The following RASSF8 variants were observed in gnomAD, a reference collection of about 807,000 sequenced individuals.
The protein encoded by RASSF8 is Ras association domain family member 8.
RASSF8 carries 22 observed loss-of-function variants against 48.5 expected under a neutral mutation model. That is an observed-to-expected ratio of 0.45 (90% CI 0.32 to 0.65). The LOEUF is 0.65. RASSF8 is among the 30% of genes least tolerant of loss of function. RASSF8 has a pLI of 0.03. For synonymous variants in RASSF8, 127 were observed against 171.5 expected, an observed-to-expected ratio of 0.74 and a Z score of 2.03; for missense variants, 418 against 489.2, an observed-to-expected ratio of 0.85 and a Z score of 1.37.
At chr12:25,976,667 C>G (rs1941613091) in intron 1 of RASSF8, among the ~76,000 whole-genome samples, 1 of 152,174 alleles carries the variant, frequency 6.6e-6, no homozygotes. Context: ...GTGGAGTGTA[C>G]TTTCGTTTTC....
At position 25,971,547 on chromosome 12, in the gene RASSF8, C is replaced by T. The variant is rs115761308; in HGVS notation, c.-203+12399C>T. Among the ~76,000 whole-genome samples the T allele has an allele frequency of 4.9e-3, 745 of 151,766 alleles. 8 individuals are homozygous for T. Among genetic ancestry groups the T allele is most frequent in the African/African-American group, 0.017 (686 of 41,394 alleles). ...ACTTCATCCTTTGCCCTCCAGGAGT[C>T]TTCCTAGTTTTCATTTCATATGGAA... On this transcript the variant is annotated intron_variant, in intron 1 of 5. Transcript: ENST00000689635.
intron 2 of RASSF8, among the ~76,000 whole-genome samples, chr12:26,002,338 C>T (rs994510178): frequency 1.1e-4 from 17 of 152,076 alleles, no homozygotes; most frequent in African/African-American, 3.9e-4. Context: ...GAGGCTGAGG[C>T]AGGAGAATCG....
In RASSF8 at chr12:26,053,240, A is replaced by AG. The variant is rs555707095; in HGVS notation, c.-108-1990dup. On this transcript the variant is annotated intron_variant, in intron 2 of 5. Transcript: ENST00000689635. ...TTGAAATGATGGGTTTCTTGGTGGC[A>AG]GGGGGGCTTTAATGAGATCTGTACC... Among the ~76,000 whole-genome samples, 367 of 151,724 alleles carry AG rather than the reference A, an allele frequency of 2.4e-3. 2 individuals carry two copies. The highest frequency in any genetic ancestry group is 8.7e-3 in the African/African-American group (360 of 41,410).
chr12:25,965,658 A>G (rs1440009385), intron 1 of RASSF8, among the ~76,000 whole-genome samples: 1 of 151,900 alleles, frequency 6.6e-6, no homozygotes. Flanking sequence ...GCCCACCCCA[A>G]ATTTTCTCAT....
chr12:25,978,377 G>A (rs951105824), intron 1 of RASSF8, among the ~76,000 whole-genome samples: 5 of 152,168 alleles, frequency 3.3e-5, no homozygotes, highest in African/African-American at 9.7e-5. Context: ...GTCACAAACC[G>A]CCACATTCCC....
At chr12:26,073,821 T>TACAC (rs757140768), downstream of RASSF8, among the ~76,000 whole-genome samples, 274 of 65,242 alleles carry the variant, frequency 4.2e-3, 2 homozygotes, top group African/African-American at 0.014. Flanking sequence ...TATATACACA[T>TACAC]ACACACACAC....
intron 1 of RASSF8, among the ~76,000 whole-genome samples, chr12:25,963,960 C>T (rs1941297389): frequency 6.6e-6 from 1 of 152,170 alleles, no homozygotes. Flanking sequence ...GAGAGATGCC[C>T]CTGCAAGCCA....
At position 26,067,668 on chromosome 12, in the gene RASSF8, G is replaced by A; in HGVS notation, c.1093G>A (p.Ala365Thr). Residue 365 changes from alanine to threonine, a missense_variant, in exon 5 of 6, where the codon GCG becomes ACG. By Grantham distance (58) the Ala-to-Thr change is moderately conservative. Coordinates refer to ENST00000689635, the MANE Select transcript of RASSF8 (RefSeq NM_001394098.1). Reference protein sequence around the residue: ...QTGTKVTVLPAEPIEIEASHA... With the variant: ...QTGTKVTVLPTEPIEIEASHA... ...AGGGACAAAAGTTACCGTTTTGCCA[G>A]CGGAGCCCATTGAAATAGAGGCCTC... 6.2e-7 allele frequency: 1 copy of A among 1,614,210 alleles called. No homozygotes were observed. The highest frequency in any genetic ancestry group is 8.5e-7 in the Non-Finnish European group (1 of 1,180,028).
At chr12:25,989,663 C>A (rs977702389) in intron 1 of RASSF8, among the ~76,000 whole-genome samples, 94 of 152,206 alleles carry the variant, frequency 6.2e-4, no homozygotes, top group African/African-American at 2.0e-3. Context: ...CTTGTCTTAT[C>A]CCTTCTCCTC....
chr12:26,050,788 C>G lies in RASSF8; in HGVS notation c.-108-4448C>G, dbSNP rs373391059. Among the ~76,000 whole-genome samples the G allele has an allele frequency of 5.3e-5, 8 of 152,262 alleles. No homozygotes were observed. The East Asian group carries it at 5.8e-4, about 11-fold the overall frequency. On this transcript the variant is annotated intron_variant, in intron 2 of 5. Transcript: ENST00000689635. Reference sequence around the variant, plus strand: ...TAATTCATTGATGCTGAAAAAGGAACCTGAGCATCAGATGCTCATTTTGCT... The same window carrying G: ...TAATTCATTGATGCTGAAAAAGGAAGCTGAGCATCAGATGCTCATTTTGCT...
intron 1 of RASSF8, among the ~76,000 whole-genome samples, chr12:25,964,451 C>T (rs1565595262): frequency 6.6e-6 from 1 of 152,080 alleles, no homozygotes; most frequent in Non-Finnish European, 1.5e-5. Flanking sequence ...CAGGTTATAA[C>T]AAGAGGAGAG....
At chr12:26,077,597 C>G (rs1347322362), downstream of RASSF8, among the ~76,000 whole-genome samples, 2 of 152,010 alleles carry the variant, frequency 1.3e-5, no homozygotes, top group Non-Finnish European at 2.9e-5. Context: ...ATTTCTGAGG[C>G]CTCTGTTCTG....
chr12:26,052,330 TG>T, intron 2 of RASSF8, among the ~76,000 whole-genome samples: 1 of 152,316 alleles, frequency 6.6e-6, no homozygotes, highest in Middle Eastern at 3.4e-3. Flanking sequence ...TGACAATAAA[TG>T]GTTCTTAGCT....
chr12:26,010,245 TAAATTAG>T (rs200248589), intron 2 of RASSF8, among the ~76,000 whole-genome samples: 3,028 of 152,352 alleles, frequency 0.02, 101 homozygotes, highest in African/African-American at 0.067. Context: ...AAGTCGAAAT[TAAATTAG>T]AAATTAGAAA....
chr12:25,979,653 C>T (rs1941691520), intron 1 of RASSF8, among the ~76,000 whole-genome samples: 1 of 152,142 alleles, frequency 6.6e-6, no homozygotes, highest in African/African-American at 2.4e-5. Flanking sequence ...GAATAATTTG[C>T]CCAAACTCAC....
intron 2 of RASSF8, among the ~76,000 whole-genome samples, chr12:26,053,911 CTT>C (rs1370835642): frequency 6.6e-6 from 1 of 152,210 alleles, no homozygotes; most frequent in Non-Finnish European, 1.5e-5. Context: ...TGTGTTCTGA[CTT>C]ACCTATCCAG....
intron 1 of RASSF8, among the ~76,000 whole-genome samples, chr12:25,962,362 T>C (rs977170857): frequency 1.3e-5 from 2 of 152,218 alleles, no homozygotes; most frequent in Non-Finnish European, 2.9e-5. Flanking sequence ...CCCACCCTTA[T>C]CGTCATGCGA....
intron 3 of RASSF8, among the ~76,000 whole-genome samples, chr12:26,062,707 A>G (rs544667843): frequency 5.9e-5 from 9 of 152,206 alleles, no homozygotes; most frequent in Non-Finnish European, 8.8e-5. Flanking sequence ...AAATAAATAA[A>G]TAAATAAAAG....
chr12:26,028,139 T>C (rs1285509946), intron 2 of RASSF8, among the ~76,000 whole-genome samples: 1 of 152,200 alleles, frequency 6.6e-6, no homozygotes, highest in Non-Finnish European at 1.5e-5. Context: ...TTAAAAGAAT[T>C]TGAGACTGTA....
Sources: gnomAD v4.1 joint callset for allele counts (sites outside exome capture counted in the v4.1 genomes callset) on GRCh38, gnomAD v4.1.1 for gene constraint, MANE v1.5 for transcripts, NCBI Gene and HGNC (gene_info 2026-07-23, HGNC 2026-07-21) for gene names.